Variants in MAD1L1 observed in about 807,000 individuals in gnomAD.
MAD1L1 encodes mitotic arrest deficient 1 like 1.
A neutral mutation model predicts 96.9 loss-of-function variants in MAD1L1; 95 were observed. The ratio of observed to expected loss-of-function variants is 0.98; its 90% CI spans 0.83 to 1.16. The LOEUF is 1.16. Among genes scored for constraint, MAD1L1 ranks in the 50% most tolerant of loss-of-function variants. The probability of loss-of-function intolerance (pLI) is 0.00; values close to 1 mark genes in which losing one functional copy is unlikely to be tolerated. For missense variants in MAD1L1, 1,007 were observed against 954.4 expected (o/e 1.06, Z -0.73); for synonymous variants, 473 against 396.6 (o/e 1.19, Z -2.29).
At chr7:2,047,149 C>T (rs1371907626) in intron 12 of MAD1L1, among the ~76,000 whole-genome samples, 1 of 152,222 alleles carries the variant, frequency 6.6e-6, no homozygotes, top group East Asian at 1.9e-4. Context: ...CAGTGTCTTT[C>T]CTCCGTTCAC....
At chr7:1,933,131 G>A (rs909263972) in intron 17 of MAD1L1, among the ~76,000 whole-genome samples, 1 of 152,176 alleles carries the variant, frequency 6.6e-6, no homozygotes, top group African/African-American at 2.4e-5. Context: ...GCGTTTCGCT[G>A]TGCTCTGTTT....
intron 17 of MAD1L1, among the ~76,000 whole-genome samples, chr7:1,929,798 C>T (rs1789335460): frequency 8.5e-6 from 1 of 117,404 alleles, no homozygotes; most frequent in Non-Finnish European, 1.8e-5. Context: ...CACGTCCCCT[C>T]GCCCCGTCCC....
chr7:1,887,942 T>G (rs1242768597), intron 18 of MAD1L1, among the ~76,000 whole-genome samples: 1 of 151,532 alleles, frequency 6.6e-6, no homozygotes, highest in Non-Finnish European at 1.5e-5. Context: ...TGCACGTGTG[T>G]GTATGCACAT....
intron 18 of MAD1L1, among the ~76,000 whole-genome samples, chr7:1,869,045 C>T (rs535765964): frequency 6.2e-4 from 95 of 152,282 alleles, no homozygotes; most frequent in African/African-American, 2.1e-3. Context: ...GGGTGGGGCC[C>T]GAATGGCACC....
intron 10 of MAD1L1, among the ~76,000 whole-genome samples, chr7:2,176,498 G>A (rs531071976): frequency 6.6e-6 from 1 of 152,004 alleles, no homozygotes. Context: ...GAAACAAAAG[G>A]TATAAAGCTC....
At chr7:1,936,333 G>A (rs1242013616) in intron 17 of MAD1L1, among the ~76,000 whole-genome samples, 1 of 152,234 alleles carries the variant, frequency 6.6e-6, no homozygotes, top group Non-Finnish European at 1.5e-5. Flanking sequence ...CACTTAAGCT[G>A]GTGAGAGATG....
In MAD1L1 at chr7:2,005,173, G is replaced by A. The variant is rs1319319963; in HGVS notation, c.1360-3052C>T. Among the ~76,000 whole-genome samples the A allele has an allele frequency of 2.0e-5, 3 of 152,298 alleles. No individual in the cohort carries two copies. In the East Asian group the frequency reaches 5.8e-4, roughly 30 times the overall value. ...TCGACGAGCTGAGTGCTCCCCAGGA[G>A]GCGACCAGGACAGCAGAGGGCATCA... On this transcript the variant is annotated intron_variant, in intron 13 of 18. Transcript: ENST00000265854.
chr7:1,852,092 GCCCGAGA>G, intron 18 of MAD1L1, among the ~76,000 whole-genome samples: 1 of 152,204 alleles, frequency 6.6e-6, no homozygotes, highest in Non-Finnish European at 1.5e-5. Context: ...CCCTCCTGAG[GCCCGAGA>G]CCCAGGGCAG....
rs539483274 is a variant in MAD1L1 at position 2,210,536 on chromosome 7, G to A, written c.986+2676C>T. 1.8e-4 allele frequency among the ~76,000 whole-genome samples: 24 copies of A among 133,806 alleles called. 1 individual carries two copies. The highest frequency in any genetic ancestry group is 5.3e-4 in the Admixed American group (7 of 13,302). 87.8% of individuals were successfully genotyped at this position (133,806 alleles called of 152,430 possible). On this transcript the variant is annotated intron_variant, in intron 10 of 18. Coordinates refer to ENST00000265854, the MANE Select transcript of MAD1L1 (RefSeq NM_001013836.2). ...TTCGGGACCGCCAGCCCGCATTCCCGTGGACTCTCTAGGAGCCGTATTCGG... is the reference window on the plus strand; with the variant it reads ...TTCGGGACCGCCAGCCCGCATTCCCATGGACTCTCTAGGAGCCGTATTCGG...
chr7:2,072,667 C>T (rs1426471479), intron 11 of MAD1L1, among the ~76,000 whole-genome samples: 4 of 152,230 alleles, frequency 2.6e-5, no homozygotes, highest in African/African-American at 9.6e-5. Flanking sequence ...GCCACCATTC[C>T]CTGTACTCTG....
intron 14 of MAD1L1, among the ~76,000 whole-genome samples, chr7:1,997,540 G>C (rs573601549): frequency 6.6e-6 from 1 of 152,274 alleles, no homozygotes; most frequent in South Asian, 2.1e-4. Context: ...TCCCGCTCAG[G>C]TTCCTCCACC....
chr7:2,066,256 T>A (rs1584238859), intron 12 of MAD1L1, among the ~76,000 whole-genome samples: 1 of 152,190 alleles, frequency 6.6e-6, no homozygotes, highest in Non-Finnish European at 1.5e-5. Context: ...AAGGCGCTCC[T>A]CGACCACCCC....
chr7:1,969,015 T>A (rs116539267), intron 15 of MAD1L1, among the ~76,000 whole-genome samples: 219 of 152,292 alleles, frequency 1.4e-3, no homozygotes, highest in African/African-American at 4.8e-3. Context: ...GAAGAGGGTA[T>A]GAGAACTCTC....
At chr7:2,046,997 T>C (rs565462617) in intron 12 of MAD1L1, among the ~76,000 whole-genome samples, 132 of 152,330 alleles carry the variant, frequency 8.7e-4, no homozygotes, top group Middle Eastern at 3.4e-3. Flanking sequence ...CAGTAATGAA[T>C]GGCCACCAGC....
chr7:2,004,027 A>T (rs1355742799), intron 13 of MAD1L1, among the ~76,000 whole-genome samples: 1 of 152,186 alleles, frequency 6.6e-6, no homozygotes, highest in Non-Finnish European at 1.5e-5. Context: ...CCGGGGGCAC[A>T]GGGAGCCGGG....
chr7:1,959,390 G>C (rs1171101128), intron 15 of MAD1L1, among the ~76,000 whole-genome samples: 3 of 152,170 alleles, frequency 2.0e-5, no homozygotes, highest in African/African-American at 7.2e-5. Context: ...CAGAGGAAGC[G>C]ACGGGACAAA....
chr7:1,996,464 A>G (rs6953187), intron 14 of MAD1L1, among the ~76,000 whole-genome samples: 136,268 of 152,270 alleles, frequency 0.89, 61,686 homozygotes, highest in East Asian at 1. Flanking sequence ...GCTCCTGCAC[A>G]GGAGACCCCA....
chr7:1,911,348 C>T (rs916211400), intron 17 of MAD1L1, among the ~76,000 whole-genome samples: 4 of 152,172 alleles, frequency 2.6e-5, no homozygotes, highest in African/African-American at 4.8e-5. Flanking sequence ...TTTCTTTTGA[C>T]GCAGAGCCCA....
At chr7:2,053,694 G>A (rs1784279928) in intron 12 of MAD1L1, among the ~76,000 whole-genome samples, 1 of 152,162 alleles carries the variant, frequency 6.6e-6, no homozygotes, top group African/African-American at 2.4e-5. Flanking sequence ...TACAGGGCCA[G>A]GGACAGCCCC....
Sources: gnomAD v4.1 joint callset for allele counts (sites outside exome capture counted in the v4.1 genomes callset) on GRCh38, gnomAD v4.1.1 for gene constraint, MANE v1.5 for transcripts, NCBI Gene and HGNC (gene_info 2026-07-23, HGNC 2026-07-21) for gene names.